DPP6: variants seen among roughly 807,000 people sequenced by gnomAD.
DPP6 encodes the protein A-type potassium channel modulatory protein DPP6.
DPP6 carries 69 observed loss-of-function variants against 122.6 expected under a neutral mutation model. The observed-to-expected ratio is 0.56, with a 90% CI of 0.46 to 0.69. DPP6 has a LOEUF of 0.69. Among genes scored for constraint, DPP6 ranks in the 30% least tolerant of loss-of-function variants. The pLI is 0.00. For synonymous variants in DPP6, 418 were observed against 433.1 expected, an observed-to-expected ratio of 0.97 and a Z score of 0.43; for missense variants, 928 against 1,116.9, an observed-to-expected ratio of 0.83 and a Z score of 2.41.
intron 1 of DPP6, among the ~76,000 whole-genome samples, chr7:153,932,123 C>CTTTTT (rs11342253): frequency 5.9e-5 from 8 of 135,708 alleles, no homozygotes; most frequent in Admixed American, 2.2e-4. Flanking sequence ...CATTTTGTGC[C>CTTTTT]TTTTTTTTTT....
intron 1 of DPP6, among the ~76,000 whole-genome samples, chr7:154,102,235 G>T (rs1805787260): frequency 6.6e-6 from 1 of 151,922 alleles, no homozygotes; most frequent in South Asian, 2.1e-4. Flanking sequence ...GCCCAGGCTG[G>T]AGTGCAATGA....
rs1554529660 is a variant in DPP6, at chr7:154,371,403, AAG to A, written c.244-74809_244-74808del. ...CAAAAAAAAAAAAAAAAAAAAAAAAAAGAAAGAAAGAAAGAAAGACAGAAAAA... is the reference window on the plus strand; with the variant it reads ...CAAAAAAAAAAAAAAAAAAAAAAAAAAAAGAAAGAAAGAAAGACAGAAAAA... On this transcript the variant is annotated intron_variant, in intron 1 of 25. Transcript: ENST00000377770. Among the ~76,000 whole-genome samples, 706 of 109,086 alleles carry A rather than the reference AAG, an allele frequency of 6.5e-3. 20 individuals carry two copies. Among genetic ancestry groups the A allele is most frequent in the African/African-American group, 0.045 (623 of 13,820 alleles). 71.6% of individuals were successfully genotyped at this position (109,086 alleles called of 152,430 possible).
At chr7:153,938,737 C>T (rs191538103) in intron 1 of DPP6, among the ~76,000 whole-genome samples, 1 of 152,302 alleles carries the variant, frequency 6.6e-6, no homozygotes, top group Non-Finnish European at 1.5e-5. Flanking sequence ...CAAGACCTAT[C>T]CCTTAAAGAA....
intron 1 of DPP6, among the ~76,000 whole-genome samples, chr7:153,937,695 C>T (rs1337204097): frequency 2.0e-5 from 3 of 152,126 alleles, no homozygotes; most frequent in African/African-American, 7.2e-5. Flanking sequence ...TGACCATCTG[C>T]CTCGCCCTCC....
chr7:154,009,107 C>A lies in DPP6; in HGVS notation c.51+121373C>A, dbSNP rs1005024796. On this transcript the variant is annotated intron_variant, in intron 1 of 25. Coordinates refer to the DPP6 transcript ENST00000404039. Reference sequence around the variant, plus strand: ...TGCTCCACTATAAGTTGATGAGGACCTTTTTTTTTGGAAGCTGATGGCCTG... The same window carrying A: ...TGCTCCACTATAAGTTGATGAGGACATTTTTTTTTGGAAGCTGATGGCCTG... Among the ~76,000 whole-genome samples, 21 of 87,342 alleles carry A rather than the reference C, an allele frequency of 2.4e-4. 1 individual carries two copies. Among genetic ancestry groups the A allele is most frequent in the Admixed American group, 1.1e-3 (8 of 7,498 alleles). 57.3% of individuals were successfully genotyped at this position (87,342 alleles called of 152,430 possible).
At chr7:154,779,465 A>C (rs2150400030) in intron 10 of DPP6, among the ~76,000 whole-genome samples, 1 of 152,262 alleles carries the variant, frequency 6.6e-6, no homozygotes, top group South Asian at 2.1e-4. Context: ...TACAATGTCA[A>C]TAACCTGTCA....
intron 1 of DPP6, among the ~76,000 whole-genome samples, chr7:154,359,914 C>T (rs1336984673): frequency 1.3e-5 from 2 of 152,086 alleles, no homozygotes; most frequent in East Asian, 1.9e-4. Flanking sequence ...TCTAGAACGC[C>T]GTAGGAAGGT....
At chr7:154,509,906 G>T (rs560402533) in intron 3 of DPP6, among the ~76,000 whole-genome samples, 1 of 152,094 alleles carries the variant, frequency 6.6e-6, no homozygotes, top group Non-Finnish European at 1.5e-5. Flanking sequence ...CAGAAAATGG[G>T]ATAGTGGTTG....
the DPP6 span, among the ~76,000 whole-genome samples, chr7:153,805,474 A>G: frequency 6.6e-6 from 1 of 152,244 alleles, no homozygotes; most frequent in Admixed American, 6.5e-5. Context: ...CTTTCCTCCC[A>G]AGTCTTTACT....
intron 2 of DPP6, among the ~76,000 whole-genome samples, chr7:154,471,288 C>T (rs146377888): frequency 6.6e-6 from 1 of 152,212 alleles, no homozygotes; most frequent in Non-Finnish European, 1.5e-5. Flanking sequence ...GCTTCTTTCT[C>T]AAAAACAAGA....
chr7:154,887,808 T>G lies in DPP6; in HGVS notation c.2304+74T>G. ...CCACAGTCTCCCAGCCTGCCCTGGC[T>G]GTATGGCCCACTCTGCCTTCCCCAG... On this transcript the variant is annotated intron_variant, in intron 23 of 25. Coordinates refer to ENST00000377770, the MANE Select transcript of DPP6 (RefSeq NM_130797.4). 5 of 1,550,386 alleles carry G rather than the reference T, an allele frequency of 3.2e-6. No individual in the cohort carries two copies. In the South Asian group the frequency reaches 5.6e-5, roughly 17 times the overall value.
At chr7:154,041,122 ACTC>A (rs1335402175) in intron 1 of DPP6, among the ~76,000 whole-genome samples, 14 of 151,454 alleles carry the variant, frequency 9.2e-5, no homozygotes, top group African/African-American at 2.7e-4. Flanking sequence ...TCAGACTCAT[ACTC>A]CTCCTCTGTG....
intron 4 of DPP6, among the ~76,000 whole-genome samples, chr7:154,554,457 T>C (rs756978099): frequency 6.6e-6 from 1 of 152,154 alleles, no homozygotes; most frequent in Non-Finnish European, 1.5e-5. Context: ...CTTGACAAAT[T>C]GGGGGCATTC....
chr7:154,411,490 C>T (rs1433917355), intron 1 of DPP6, among the ~76,000 whole-genome samples: 3 of 152,180 alleles, frequency 2.0e-5, no homozygotes, highest in African/African-American at 7.2e-5. Flanking sequence ...GTCTGCCCTT[C>T]TTGGCCTCTC....
At chr7:153,887,714 A>G in exon 1 of DPP6, 3 of 1,613,828 alleles carry the variant, frequency 1.9e-6, no homozygotes, top group Non-Finnish European at 2.5e-6. Flanking sequence ...CAAGACCGCT[A>G]AGATGCAGGG....
intron 1 of DPP6, among the ~76,000 whole-genome samples, chr7:154,086,484 C>T (rs1320403664): frequency 6.7e-6 from 1 of 148,464 alleles, no homozygotes; most frequent in African/African-American, 2.5e-5. Flanking sequence ...ACCCCTCAGA[C>T]ACAACCCCTT....
chr7:154,356,773 C>T (rs1178852913), intron 1 of DPP6, among the ~76,000 whole-genome samples: 3 of 151,960 alleles, frequency 2.0e-5, no homozygotes, highest in Admixed American at 1.3e-4. Flanking sequence ...TCACATCTTG[C>T]TGAAGGTCAT....
At chr7:154,645,934 A>T (rs940044497) in intron 6 of DPP6, among the ~76,000 whole-genome samples, 3 of 143,778 alleles carry the variant, frequency 2.1e-5, no homozygotes, top group Non-Finnish European at 4.5e-5. Flanking sequence ...AGGCTGAGGC[A>T]GGAGAATGGC....
chr7:154,889,929 C>T, intron 25 of DPP6: 1 of 205,848 alleles, frequency 4.9e-6, no homozygotes, highest in African/African-American at 2.3e-5. Flanking sequence ...CTGAGCCTTG[C>T]CCCACTGCTT....
Sources: gnomAD v4.1 joint callset for allele counts (sites outside exome capture counted in the v4.1 genomes callset) on GRCh38, gnomAD v4.1.1 for gene constraint, MANE v1.5 for transcripts, NCBI Gene and HGNC (gene_info 2026-07-23, HGNC 2026-07-21) for gene names.